Variants in COQ10B observed in about 807,000 individuals in gnomAD.
COQ10B encodes coenzyme Q10B.
A neutral mutation model predicts 27.6 loss-of-function variants in COQ10B; 12 were observed. The observed-to-expected ratio is 0.43, with a 90% confidence interval of 0.28 to 0.70. The LOEUF (loss-of-function observed/expected upper bound fraction) is 0.70. Ranked by LOEUF, COQ10B falls within the 30% of genes least tolerant of loss-of-function variation. The pLI is 0.17. For missense variants in COQ10B, 278 were observed against 288.7 expected, an observed-to-expected ratio of 0.96 and a Z score of 0.27; for synonymous variants, 115 against 103.0, an observed-to-expected ratio of 1.12 and a Z score of -0.71.
At chr2:197,460,875 T>C (rs1342186510) in intron 2 of COQ10B, among the ~76,000 whole-genome samples, 3 of 152,204 alleles carry the variant, frequency 2.0e-5, no homozygotes, top group Non-Finnish European at 4.4e-5. Flanking sequence ...AGTAAAACTT[T>C]ATTTACAAAA....
intron 3 of COQ10B, among the ~76,000 whole-genome samples, chr2:197,469,846 C>T (rs1245431464): frequency 1.3e-5 from 2 of 151,776 alleles, no homozygotes; most frequent in African/African-American, 2.4e-5. Flanking sequence ...AGAGAAAACA[C>T]CTGGCAATCT....
chr2:197,469,019 T>TTTA lies in COQ10B; in HGVS notation c.448-1048_448-1046dup, dbSNP rs1488673329. On this transcript the variant is annotated intron_variant, in intron 3 of 4. Coordinates refer to ENST00000263960, the MANE Select transcript of COQ10B (RefSeq NM_025147.5). ...TCTTTCATGGATCTCAATAAATTTT[T>TTTA]TTATTTTTTATTTTTATTTTTATTT... Among the ~76,000 whole-genome samples, 9 of 152,216 alleles carry TTTA rather than the reference T, an allele frequency of 5.9e-5. No homozygotes were observed. In the East Asian group the frequency reaches 1.7e-3, roughly 29 times the overall value.
intron 2 of COQ10B, among the ~76,000 whole-genome samples, chr2:197,460,813 G>T (rs543498163): frequency 3.3e-5 from 5 of 152,322 alleles, no homozygotes; most frequent in African/African-American, 1.2e-4. Context: ...CTTCATTGTA[G>T]TCCGAAGGCA....
intron 2 of COQ10B, among the ~76,000 whole-genome samples, chr2:197,462,142 G>A (rs1006465178): frequency 6.6e-6 from 1 of 151,736 alleles, no homozygotes; most frequent in African/African-American, 2.4e-5. Flanking sequence ...GGTGGCACGT[G>A]CCTGGAGTCC....
intron 3 of COQ10B, among the ~76,000 whole-genome samples, chr2:197,465,803 A>G (rs898164458): frequency 2.6e-5 from 4 of 152,060 alleles, no homozygotes; most frequent in Non-Finnish European, 5.9e-5. Flanking sequence ...ACAAACAAAC[A>G]GGCTGGATGT....
intron 3 of COQ10B, among the ~76,000 whole-genome samples, chr2:197,465,665 A>T (rs532159807): frequency 6.6e-6 from 1 of 152,130 alleles, no homozygotes; most frequent in South Asian, 2.1e-4. Context: ...CCAGCTACTC[A>T]GGAGGCTGAA....
At chr2:197,462,234 A>T (rs913619029) in intron 2 of COQ10B, among the ~76,000 whole-genome samples, 1 of 149,934 alleles carries the variant, frequency 6.7e-6, no homozygotes, top group Non-Finnish European at 1.5e-5. Flanking sequence ...GTACCACTGC[A>T]CTCTAGCCTG....
At chr2:197,461,729 C>T (rs2085761059) in intron 2 of COQ10B, among the ~76,000 whole-genome samples, 1 of 151,934 alleles carries the variant, frequency 6.6e-6, no homozygotes, top group African/African-American at 2.4e-5. Context: ...CAACCTCTGT[C>T]TCTTGGGTTC....
rs559768007 is a variant in COQ10B at position 197,457,527 on chromosome 2, A to G, written c.105-2405A>G. 1.7e-4 allele frequency among the ~76,000 whole-genome samples: 26 copies of G among 152,272 alleles called. 1 individual carries two copies. The South Asian group carries it at 5.4e-3, about 32-fold the overall frequency. ...ATCTTGCTTTTTTATATTTTCATTC[A>G]TGAAGTGTTATTTATAGCTGAATAT... On this transcript the variant is annotated intron_variant, in intron 1 of 4. Coordinates refer to ENST00000263960, the MANE Select transcript of COQ10B (RefSeq NM_025147.5).
At chr2:197,462,012 G>A (rs2085766074) in intron 2 of COQ10B, among the ~76,000 whole-genome samples, 1 of 151,628 alleles carries the variant, frequency 6.6e-6, no homozygotes, top group South Asian at 2.1e-4. Flanking sequence ...GCTCATGCCT[G>A]TAATCCCAGC....
chr2:197,461,160 A>G (rs1437849930), intron 2 of COQ10B, among the ~76,000 whole-genome samples: 3 of 152,214 alleles, frequency 2.0e-5, no homozygotes. Context: ...GTATTAGTTA[A>G]GGTAATGCTA....
intron 1 of COQ10B, among the ~76,000 whole-genome samples, chr2:197,457,333 A>G (rs937494451): frequency 6.6e-6 from 1 of 152,210 alleles, no homozygotes; most frequent in Non-Finnish European, 1.5e-5. Context: ...AGTATATTGA[A>G]TGTTCCTAGT....
chr2:197,457,396 G>A (rs1574578098), intron 1 of COQ10B, among the ~76,000 whole-genome samples: 1 of 152,156 alleles, frequency 6.6e-6, no homozygotes, highest in African/African-American at 2.4e-5. Context: ...ACCCTGATGT[G>A]ATCACTATGC....
chr2:197,462,529 T>A lies in COQ10B; in HGVS notation c.255-10T>A. 6.8e-7 allele frequency: 1 copy of A among 1,474,884 alleles called. No individual in the cohort carries two copies. Among genetic ancestry groups the A allele is most frequent in the Non-Finnish European group, 9.3e-7 (1 of 1,079,584 alleles). 91.4% of individuals were successfully genotyped at this position (1,474,884 alleles called of 1,614,324 possible). A position where few individuals can be genotyped will look rare whatever the true frequency, so the allele number is the denominator to read the frequency against. ...AGTTAACACCTCTTTTTTATTTTTA[T>A]TTTTTAAAGATATTCAATGCAGGAA... On this transcript the variant is annotated splice_polypyrimidine_tract_variant and intron_variant, in intron 2 of 4. Coordinates refer to ENST00000263960, the MANE Select transcript of COQ10B (RefSeq NM_025147.5).
intron 1 of COQ10B, among the ~76,000 whole-genome samples, chr2:197,454,905 A>G (rs1406036053): frequency 2.0e-5 from 3 of 152,184 alleles, no homozygotes; most frequent in African/African-American, 7.2e-5. Context: ...CATGTGGTCC[A>G]GTTGTCCAGT....
chr2:197,467,640 G>T (rs1033071641), intron 3 of COQ10B, among the ~76,000 whole-genome samples: 2 of 151,330 alleles, frequency 1.3e-5, no homozygotes, highest in African/African-American at 4.9e-5. Flanking sequence ...GCCTCCCAAA[G>T]TGCTGGGATT....
chr2:197,463,926 C>T (rs2085787888), intron 3 of COQ10B, among the ~76,000 whole-genome samples: 1 of 43,910 alleles, frequency 2.3e-5, no homozygotes, highest in Non-Finnish European at 3.9e-5. Flanking sequence ...AAGAATGAAA[C>T]TCTGTCTCAA....
intron 3 of COQ10B, among the ~76,000 whole-genome samples, chr2:197,464,111 A>G (rs1340844950): frequency 6.8e-6 from 1 of 147,578 alleles, no homozygotes; most frequent in Non-Finnish European, 1.5e-5. Context: ...ATGTATAAAC[A>G]TTGTTGAGAT....
At chr2:197,460,828 T>C (rs1176942944) in intron 2 of COQ10B, among the ~76,000 whole-genome samples, 1 of 152,144 alleles carries the variant, frequency 6.6e-6, no homozygotes. Context: ...AAGGCAGACA[T>C]AGATAATATT....
Sources: gnomAD v4.1 joint callset for allele counts (sites outside exome capture counted in the v4.1 genomes callset) on GRCh38, gnomAD v4.1.1 for gene constraint, MANE v1.5 for transcripts, NCBI Gene and HGNC (gene_info 2026-07-23, HGNC 2026-07-21) for gene names.